The following NRG3 variants were observed in gnomAD, a reference collection of about 807,000 sequenced individuals.
NRG3 encodes neuregulin 3.
NRG3 carries 31 observed loss-of-function variants against 66.9 expected under a neutral mutation model. That is an observed-to-expected ratio of 0.46 (90% confidence interval 0.35 to 0.63). The LOEUF (loss-of-function observed/expected upper bound fraction) is 0.63. Ranked by LOEUF, NRG3 falls within the 20% of genes least tolerant of loss-of-function variation. The pLI is 0.00. For missense variants in NRG3, 910 were observed against 878.9 expected (o/e 1.04, Z -0.45); for synonymous variants, 393 against 359.4 (o/e 1.09, Z -1.06).
chr10:82,785,301 A>T (rs1291629262), intron 3 of NRG3, among the ~76,000 whole-genome samples: 1 of 152,040 alleles, frequency 6.6e-6, no homozygotes, highest in African/African-American at 2.4e-5. Flanking sequence ...ACATGTATAC[A>T]TACGTAACTA....
intron 3 of NRG3, among the ~76,000 whole-genome samples, chr10:82,791,600 G>A (rs1303635418): frequency 6.6e-6 from 1 of 152,054 alleles, no homozygotes; most frequent in Non-Finnish European, 1.5e-5. Flanking sequence ...GGGCCTGCTG[G>A]GATCTTTCCT....
intron 4 of NRG3, among the ~76,000 whole-genome samples, chr10:82,873,764 A>G (rs1275721654): frequency 6.6e-6 from 1 of 152,170 alleles, no homozygotes. Context: ...GATTATGTGG[A>G]AGATCTTTAA....
intron 4 of NRG3, among the ~76,000 whole-genome samples, chr10:82,885,996 C>A (rs544065487): frequency 2.0e-5 from 3 of 152,100 alleles, no homozygotes; most frequent in Non-Finnish European, 2.9e-5. Flanking sequence ...CTTAGCCTCC[C>A]GAGTAGCTGG....
In NRG3 at chr10:81,876,045, T is replaced by G; in HGVS notation, c.705T>G (p.Leu235=). The stretch of plus-strand genomic sequence containing the variant: ...CGGCATACGCTACCTCCTCCTACCT[T>G]CACGATTCTACTCCCTCCTGGACCC... ...PTAAYATSSY[L]HDSTPSWTLS... Residue 235 remains leucine, a synonymous_variant, in exon 1 of 9, where the codon CTT becomes CTG. Coordinates refer to ENST00000372141, the MANE Select transcript of NRG3 (RefSeq NM_001010848.4). The G allele has an allele frequency of 6.2e-7, 1 of 1,613,942 alleles. No homozygotes were observed. The highest frequency in any genetic ancestry group is 8.5e-7 in the Non-Finnish European group (1 of 1,180,008).
chr10:82,377,437 T>C (rs541376426), intron 2 of NRG3, among the ~76,000 whole-genome samples: 1,716 of 115,862 alleles, frequency 0.015, 12 homozygotes, highest in Non-Finnish European at 0.019. Flanking sequence ...TGTGTGCGCG[T>C]GTGTGTGTGT....
At chr10:82,423,495 T>TA (rs1464212618) in intron 2 of NRG3, among the ~76,000 whole-genome samples, 1 of 151,886 alleles carries the variant, frequency 6.6e-6, no homozygotes, top group African/African-American at 2.4e-5. Context: ...AGCTGAAACT[T>TA]AGAGTGAAGA....
intron 2 of NRG3, among the ~76,000 whole-genome samples, chr10:82,711,004 T>C (rs1257483970): frequency 5.3e-5 from 8 of 152,202 alleles, no homozygotes; most frequent in Admixed American, 5.2e-4. Flanking sequence ...ATTATTGGCC[T>C]CAATTGATCC....
At chr10:82,219,761 C>T (rs906230172) in intron 1 of NRG3, among the ~76,000 whole-genome samples, 2 of 151,970 alleles carry the variant, frequency 1.3e-5, no homozygotes, top group African/African-American at 4.8e-5. Flanking sequence ...TCTTATTATT[C>T]GTAGGTACAC....
chr10:82,055,711 G>A (rs1464659255), intron 1 of NRG3, among the ~76,000 whole-genome samples: 4 of 152,112 alleles, frequency 2.6e-5, no homozygotes, highest in Non-Finnish European at 4.4e-5. Context: ...TGGGAAAAAT[G>A]ACAGCACATT....
chr10:82,925,037 A>G (rs555943044), intron 4 of NRG3, among the ~76,000 whole-genome samples: 2 of 152,284 alleles, frequency 1.3e-5, no homozygotes, highest in Non-Finnish European at 2.9e-5. Flanking sequence ...TCATATTTTT[A>G]TGCCACGAAA....
At chr10:82,065,131 T>A (rs2064377846) in intron 1 of NRG3, among the ~76,000 whole-genome samples, 1 of 152,148 alleles carries the variant, frequency 6.6e-6, no homozygotes, top group Admixed American at 6.5e-5. Flanking sequence ...CCTTTAAAAC[T>A]CACTGACTTT....
At chr10:82,504,162 G>A (rs1844458079) in intron 2 of NRG3, among the ~76,000 whole-genome samples, 1 of 152,122 alleles carries the variant, frequency 6.6e-6, no homozygotes, top group Non-Finnish European at 1.5e-5. Context: ...CAGAAGGGAC[G>A]GGTTTCTATA....
intron 1 of NRG3, among the ~76,000 whole-genome samples, chr10:81,940,515 GTTTATT>G (rs1194623704): frequency 1.3e-5 from 2 of 151,808 alleles, no homozygotes; most frequent in African/African-American, 4.8e-5. Context: ...TCAGCTGATG[GTTTATT>G]TTTATTTTTA....
intron 7 of NRG3, among the ~76,000 whole-genome samples, chr10:82,977,527 T>C (rs1329805949): frequency 6.7e-6 from 1 of 150,088 alleles, no homozygotes; most frequent in African/African-American, 2.5e-5. Flanking sequence ...GCGAATCACT[T>C]GAACCTGGGA....
At chr10:81,910,819 T>TTTTTA (rs1327077432) in intron 1 of NRG3, among the ~76,000 whole-genome samples, 5 of 152,000 alleles carry the variant, frequency 3.3e-5, no homozygotes, top group African/African-American at 4.8e-5. Flanking sequence ...GCCCAGCTAA[T>TTTTTA]TTTTATTTTA....
intron 2 of NRG3, among the ~76,000 whole-genome samples, chr10:82,636,057 A>T (rs774853503): frequency 2.6e-5 from 4 of 152,156 alleles, no homozygotes; most frequent in Admixed American, 1.3e-4. Flanking sequence ...AGTAATATTA[A>T]TCCATAAGTA....
chr10:82,131,704 T>C (rs1347666445), intron 1 of NRG3, among the ~76,000 whole-genome samples: 4 of 152,156 alleles, frequency 2.6e-5, no homozygotes, highest in Admixed American at 6.5e-5. Flanking sequence ...CTCTCTGTAA[T>C]TTCTTGCATC....
At chr10:82,481,327 T>G (rs573812461) in intron 2 of NRG3, among the ~76,000 whole-genome samples, 1 of 152,326 alleles carries the variant, frequency 6.6e-6, no homozygotes, top group Non-Finnish European at 1.5e-5. Context: ...TTGATGGTAG[T>G]CATATTTGTA....
intron 1 of NRG3, among the ~76,000 whole-genome samples, chr10:82,353,221 T>A (rs1270200091): frequency 1.3e-5 from 2 of 152,106 alleles, no homozygotes; most frequent in African/African-American, 4.8e-5. Flanking sequence ...TTTTGGGATG[T>A]CCATCAAGAG....
Sources: gnomAD v4.1 joint callset for allele counts (sites outside exome capture counted in the v4.1 genomes callset) on GRCh38, gnomAD v4.1.1 for gene constraint, MANE v1.5 for transcripts, NCBI Gene and HGNC (gene_info 2026-07-23, HGNC 2026-07-21) for gene names.